Variants in KIF4A observed in about 807,000 individuals in gnomAD.
KIF4A encodes chromosome-associated kinesin KIF4A.
KIF4A carries 7 observed loss-of-function variants against 105.9 expected under a neutral mutation model. The ratio of observed to expected loss-of-function variants is 0.07; its 90% CI spans 0.04 to 0.12. KIF4A has a LOEUF of 0.12. KIF4A is among the 10% of genes least tolerant of loss of function. The pLI, the probability that KIF4A is intolerant of heterozygous loss-of-function variation, is 1.00. For missense variants in KIF4A, 558 were observed against 929.2 expected (o/e 0.60, Z 5.19); for synonymous variants, 281 against 331.3 (o/e 0.85, Z 1.65).
At chrX:70,397,433 GAAAGA>G (rs1313923904) in intron 22 of KIF4A, among the ~76,000 whole-genome samples, 2 of 111,577 alleles carry the variant, frequency 1.8e-5, no homozygotes, top group African/African-American at 6.5e-5. Flanking sequence ...AAAGAGAAAA[GAAAGA>G]AAAGAAAAAG....
At position 70,290,550 on chromosome X, in the gene KIF4A, G is replaced by A; in HGVS notation, c.92G>A (p.Cys31Tyr). 1 of 1,211,937 alleles carries A rather than the reference G, an allele frequency of 8.3e-7. No homozygotes were observed. The highest frequency in any genetic ancestry group is 1.7e-5 in the African/African-American group (1 of 57,863). ...GAGATTAGCGAGGGCTGCCAGATGT[G>A]CCTTTCCTTCGTGCCCGGAGAGCCT... Reference protein sequence around the residue: ...PKEISEGCQMCLSFVPGEPQV... With the variant: ...PKEISEGCQMYLSFVPGEPQV... The change falls in exon 2 of 31, where the codon TGC (cysteine) becomes TAC (tyrosine). Residue 31 changes from cysteine to tyrosine, a missense_variant. By Grantham distance (194) the Cys-to-Tyr change is radical (BLOSUM62 -2). Around this residue, in one of 2 missense-constraint regions of KIF4A, gnomAD observed 89 missense variants for 248.8 expected, o/e 0.36. Coordinates refer to ENST00000374403, the MANE Select transcript of KIF4A (RefSeq NM_012310.5).
At chrX:70,401,327 C>G (rs7887730) in intron 22 of KIF4A, among the ~76,000 whole-genome samples, 111 of 109,665 alleles carry the variant, frequency 1.0e-3, no homozygotes, top group African/African-American at 3.3e-3. Context: ...ATTTGCCTGC[C>G]TCGGCCTCCC....
chrX:70,301,799 A>G, intron 5 of KIF4A, 101 bp from the exon 6 acceptor site: 1 of 913,852 alleles, frequency 1.1e-6, no homozygotes, highest in South Asian at 2.3e-5. Context: ...TTGAGGTTCT[A>G]CTAGACTATC....
intron 28 of KIF4A, among the ~76,000 whole-genome samples, chrX:70,417,230 C>T (rs190393970): frequency 0.061 from 6,863 of 112,418 alleles, 191 homozygotes; most frequent in Middle Eastern, 0.092. Context: ...CAGCCAGGCG[C>T]GGTGGCTCAC....
intron 13 of KIF4A, 92 bp downstream of exon 13, chrX:70,344,074 G>T: frequency 1.6e-6 from 1 of 630,424 alleles, no homozygotes; most frequent in Non-Finnish European, 2.5e-6. Flanking sequence ...GCCTTTTGCT[G>T]AAACAACTAG....
At chrX:70,299,271 T>G in intron 5 of KIF4A, 69 bp downstream of exon 5, 1 of 857,182 alleles carries the variant, frequency 1.2e-6, no homozygotes, top group Non-Finnish European at 1.7e-6. Flanking sequence ...TCACATCCCT[T>G]TTATCTGCCA....
intron 15 of KIF4A, among the ~76,000 whole-genome samples, chrX:70,373,109 A>C (rs2086147380): frequency 9.1e-6 from 1 of 109,861 alleles, no homozygotes; most frequent in Non-Finnish European, 1.9e-5. Context: ...CCATCACTAC[A>C]AAAAAATACA....
intron 15 of KIF4A, among the ~76,000 whole-genome samples, chrX:70,367,826 G>T (rs1420148231): frequency 8.9e-6 from 1 of 111,747 alleles, no homozygotes; most frequent in Non-Finnish European, 1.9e-5. Flanking sequence ...AGTTCTCCTG[G>T]ATAATATCCT....
chrX:70,403,556 G>C (rs1219289130), intron 23 of KIF4A, among the ~76,000 whole-genome samples: 1 of 112,933 alleles, frequency 8.9e-6, no homozygotes, highest in African/African-American at 3.2e-5. Context: ...GTAATTGTCA[G>C]ATACTATTCG....
At chrX:70,393,071 A>G (rs2086243957) in intron 20 of KIF4A, among the ~76,000 whole-genome samples, 1 of 109,573 alleles carries the variant, frequency 9.1e-6, no homozygotes, top group South Asian at 3.8e-4. Flanking sequence ...ATTCAGTGCT[A>G]TAAGTTTCCC....
At chrX:70,418,531 A>T (rs755525492) in intron 29 of KIF4A, among the ~76,000 whole-genome samples, 25 of 111,512 alleles carry the variant, frequency 2.2e-4, no homozygotes, top group African/African-American at 7.8e-4. Context: ...CACTGTTGTA[A>T]ACCAAGTTAA....
In KIF4A at chrX:70,302,527, G is replaced by A. The variant is rs187936912; in HGVS notation, c.778+129G>A. The A allele has an allele frequency of 1.4e-5, 9 of 631,004 alleles. No homozygotes were observed. The East Asian group carries it at 3.3e-4, about 23-fold the overall frequency. The allele number at this position is 631,004 out of a possible 1,213,427, so 52.0% of individuals were successfully genotyped here. On this transcript the variant is annotated intron_variant, in intron 7 of 30. Coordinates refer to ENST00000374403, the MANE Select transcript of KIF4A (RefSeq NM_012310.5). ...AGCTACGATTCAGATTTGAGGCTGA[G>A]TTCAGAAATAGCGAAAAATTGTTTC...
At chrX:70,300,059 TG>T (rs777897256) in intron 5 of KIF4A, among the ~76,000 whole-genome samples, 3 of 111,536 alleles carry the variant, frequency 2.7e-5, no homozygotes, top group African/African-American at 9.8e-5. Context: ...CTGGAAAACT[TG>T]GAATAATATC....
intron 28 of KIF4A, among the ~76,000 whole-genome samples, chrX:70,410,971 A>G (rs764572696): frequency 2.7e-5 from 3 of 112,925 alleles, no homozygotes; most frequent in South Asian, 3.6e-4. Context: ...ATGGTGTTAT[A>G]TGGTATCTGA....
chrX:70,400,032 T>A (rs1384649390), intron 22 of KIF4A, among the ~76,000 whole-genome samples: 32 of 106,047 alleles, frequency 3.0e-4, no homozygotes, highest in South Asian at 9.2e-4. Context: ...CTTTTTTTTT[T>A]TTATTATACT....
chrX:70,397,299 G>A (rs191403225), intron 22 of KIF4A, among the ~76,000 whole-genome samples: 140 of 111,850 alleles, frequency 1.3e-3, no homozygotes, highest in Non-Finnish European at 2.2e-3. Flanking sequence ...GAACCCAGGA[G>A]GCGGAGGTTG....
chrX:70,322,256 A>G (rs1252239220), intron 7 of KIF4A, among the ~76,000 whole-genome samples: 4 of 109,389 alleles, frequency 3.7e-5, no homozygotes, highest in African/African-American at 1.3e-4. Context: ...CCCATTCCAC[A>G]TGTCCAAAAC....
At chrX:70,400,137 G>A (rs1237630120) in intron 22 of KIF4A, among the ~76,000 whole-genome samples, 3 of 103,512 alleles carry the variant, frequency 2.9e-5, no homozygotes, top group South Asian at 4.8e-4. Context: ...TCATCATCTA[G>A]CATTAGGTAT....
intron 28 of KIF4A, among the ~76,000 whole-genome samples, chrX:70,408,986 C>G (rs2086310909): frequency 8.9e-6 from 1 of 111,900 alleles, no homozygotes; most frequent in African/African-American, 3.2e-5. Flanking sequence ...CAGCCTCAGC[C>G]TCCTGAGTGG....
Sources: allele counts gnomAD v4.1 joint callset (sites outside exome capture counted in the v4.1 genomes callset), GRCh38; gene constraint gnomAD v4.1.1; regional missense constraint gnomAD v4.1.1; transcripts MANE v1.5; gene names NCBI Gene and HGNC (gene_info 2026-07-23, HGNC 2026-07-21).